Variants in DLC1 observed in about 807,000 individuals in gnomAD.
DLC1 encodes DLC1 Rho GTPase activating protein, also known as rho GTPase-activating protein 7.
A neutral mutation model predicts 140.3 loss-of-function variants in DLC1; 54 were observed. The ratio of observed to expected loss-of-function variants is 0.38; its 90% CI spans 0.31 to 0.48. The LOEUF is 0.48. Among genes scored for constraint, DLC1 ranks in the 20% least tolerant of loss-of-function variants. DLC1 has a pLI of 0.96. For missense variants in DLC1, 2,536 were observed against 1,907.0 expected (o/e 1.33, Z -6.14); for synonymous variants, 986 against 728.1 (o/e 1.35, Z -5.70).
At chr8:13,299,717 A>G (rs749478174) in intron 5 of DLC1, among the ~76,000 whole-genome samples, 1 of 152,186 alleles carries the variant, frequency 6.6e-6, no homozygotes, top group Non-Finnish European at 1.5e-5. Context: ...AATGCACGTT[A>G]GGCACATTGA....
chr8:13,095,158 C>T lies in DLC1; in HGVS notation c.3255G>A (p.Gln1085=). ...TCTGAGGCAACGGTTGTCCTGTGCGCTGCACGTTGACCGTCAGTGGGACCC... is the reference window on the plus strand; with the variant it reads ...TCTGAGGCAACGGTTGTCCTGTGCGTTGCACGTTGACCGTCAGTGGGACCC... ...VFGVPLTVNV[Q]RTGQPLPQSI... is the part of the protein sequence containing the mutation. The change falls in exon 11 of 18, where the codon CAG becomes CAA. Residue 1085 remains glutamine (Q), a synonymous_variant. Transcript: ENST00000276297. The T allele has an allele frequency of 6.2e-7, 1 of 1,614,282 alleles. No individual in the cohort carries two copies. Among genetic ancestry groups the T allele is most frequent in the Non-Finnish European group, 8.5e-7 (1 of 1,180,052 alleles).
chr8:13,540,755 C>T (rs899547614), intron 1 of DLC1, among the ~76,000 whole-genome samples: 1 of 152,166 alleles, frequency 6.6e-6, no homozygotes, highest in Non-Finnish European at 1.5e-5. Flanking sequence ...CTGAAGCCTT[C>T]GACATGGCAA....
intron 8 of DLC1, 191 bp from the exon 9 acceptor site, chr8:13,100,961 C>T: frequency 1.7e-6 from 1 of 578,768 alleles, no homozygotes; most frequent in Non-Finnish European, 2.7e-6. Context: ...GGCTGTATTG[C>T]CCAGGCTGAT....
intron 1 of DLC1, chr8:13,567,423 C>T (rs1019146964): frequency 1.3e-6 from 2 of 1,551,722 alleles, no homozygotes; most frequent in African/African-American, 1.4e-5. Context: ...AGAAGACGAG[C>T]AGCAGACATA....
intron 7 of DLC1, among the ~76,000 whole-genome samples, chr8:13,109,539 A>C (rs1003262760): frequency 1.3e-5 from 2 of 151,936 alleles, no homozygotes; most frequent in Non-Finnish European, 2.9e-5. Context: ...CCTGAGCGAC[A>C]GAGTGAGACC....
intron 5 of DLC1, among the ~76,000 whole-genome samples, chr8:13,271,564 T>C (rs1179632253): frequency 6.6e-6 from 1 of 152,256 alleles, no homozygotes; most frequent in Admixed American, 6.5e-5. Context: ...TTAATGTAGT[T>C]ACTTGAAGAA....
At chr8:13,532,710 C>A (rs1585248184) in intron 1 of DLC1, among the ~76,000 whole-genome samples, 1 of 152,190 alleles carries the variant, frequency 6.6e-6, no homozygotes, top group East Asian at 1.9e-4. Context: ...CCACTTCGGC[C>A]TCCCATAGTG....
At chr8:13,216,733 G>C (rs564171356) in intron 5 of DLC1, among the ~76,000 whole-genome samples, 1 of 152,140 alleles carries the variant, frequency 6.6e-6, no homozygotes, top group African/African-American at 2.4e-5. Flanking sequence ...GTGGGGGTCT[G>C]TCCTGTGCAT....
Position 13,319,479 on chromosome 8 carries a change from G to GC in DLC1, c.1315-14178_1315-14177insG, listed in dbSNP as rs202141458. Among the ~76,000 whole-genome samples the GC allele has an allele frequency of 1.0e-3, 117 of 116,306 alleles. 2 individuals are homozygous for GC. The highest frequency in any genetic ancestry group is 8.7e-3 in the Admixed American group (88 of 10,080). 76.3% of individuals were successfully genotyped at this position (116,306 alleles called of 152,430 possible). A position where few individuals can be genotyped will look rare whatever the true frequency, so the allele number is the denominator to read the frequency against. ...GGAGGGGCCTGCTGGCGGGGCGGGGGGGGGGGGTGGATTTCCCCCTTGCTG... is the reference window on the plus strand; with the variant it reads ...GGAGGGGCCTGCTGGCGGGGCGGGGGCGGGGGGGTGGATTTCCCCCTTGCTG... On this transcript the variant is annotated intron_variant, in intron 4 of 17. Coordinates refer to ENST00000276297, the MANE Select transcript of DLC1 (RefSeq NM_182643.3).
intron 5 of DLC1, among the ~76,000 whole-genome samples, chr8:13,219,022 G>GAATATAATTATATACGAAT (rs1251796878): frequency 2.4e-5 from 2 of 82,116 alleles, no homozygotes; most frequent in Non-Finnish European, 4.4e-5. Flanking sequence ...AATTATATAC[G>GAATATAATTATATACGAAT]TATATAATTA....
rs1817557470 is a variant in DLC1, at chr8:13,086,357, T to C, written c.4399A>G (p.Arg1467Gly). Residue 1467 changes from arginine (R) to glycine (G), a missense_variant, in exon 17 of 18, where the codon AGG becomes GGG. Coordinates refer to ENST00000276297, the MANE Select transcript of DLC1 (RefSeq NM_182643.3). ...VGVRVNVLLSRYLIEPCGPGK... is the reference protein window; with the variant it reads ...VGVRVNVLLSGYLIEPCGPGK... ...GGCCCACAGGGTTCAATCAAATACC[T>C]GGACAAGAGCACATTAACCCTCACA... The C allele has an allele frequency of 6.2e-7, 1 of 1,614,078 alleles. No homozygotes were observed. The highest frequency in any genetic ancestry group is 8.5e-7 in the Non-Finnish European group (1 of 1,180,042).
intron 5 of DLC1, among the ~76,000 whole-genome samples, chr8:13,187,661 C>T (rs752132867): frequency 1.3e-5 from 2 of 152,142 alleles, no homozygotes; most frequent in Non-Finnish European, 2.9e-5. Context: ...ATGTGGGAAG[C>T]AATCTATGCT....
chr8:13,470,896 G>A (rs1162495494), intron 2 of DLC1, among the ~76,000 whole-genome samples: 1 of 152,070 alleles, frequency 6.6e-6, no homozygotes, highest in Non-Finnish European at 1.5e-5. Context: ...TGGACAAATG[G>A]ATAAAGATAA....
chr8:13,141,256 CAAAA>C (rs34321250), intron 5 of DLC1, among the ~76,000 whole-genome samples: 5 of 63,768 alleles, frequency 7.8e-5, no homozygotes, highest in East Asian at 4.1e-4. Context: ...GAGTCTGTCT[CAAAA>C]AAAAAAAAAA....
chr8:13,159,205 A>C (rs1824501044), intron 5 of DLC1, among the ~76,000 whole-genome samples: 1 of 152,156 alleles, frequency 6.6e-6, no homozygotes, highest in Non-Finnish European at 1.5e-5. Context: ...TAAGAGATTG[A>C]GGCCAGAAAA....
At chr8:13,386,572 G>A (rs985101938) in intron 4 of DLC1, among the ~76,000 whole-genome samples, 2 of 152,094 alleles carry the variant, frequency 1.3e-5, no homozygotes, top group Non-Finnish European at 2.9e-5. Context: ...ACAGACGTCA[G>A]TATCTGAAAA....
At chr8:13,402,465 T>C (rs1837340010) in intron 2 of DLC1, among the ~76,000 whole-genome samples, 1 of 152,152 alleles carries the variant, frequency 6.6e-6, no homozygotes, top group South Asian at 2.1e-4. Flanking sequence ...TAAAAAAAAA[T>C]ACTGTAGAAA....
chr8:13,095,596 G>T (rs1818441456), intron 10 of DLC1: 1 of 237,868 alleles, frequency 4.2e-6, no homozygotes, highest in Non-Finnish European at 8.4e-6. Flanking sequence ...TGAACCTGGA[G>T]AATTGGGGTC....
In DLC1 at chr8:13,325,697, C is replaced by T. The variant is rs4477023; in HGVS notation, c.1315-20395G>A. Among the ~76,000 whole-genome samples the T allele has an allele frequency of 9.5e-3, 1,442 of 152,148 alleles. 14 individuals carry two copies. The highest frequency in any genetic ancestry group is 0.015 in the Non-Finnish European group (1,032 of 68,014). On this transcript the variant is annotated intron_variant, in intron 4 of 17. Coordinates refer to ENST00000276297, the MANE Select transcript of DLC1 (RefSeq NM_182643.3). ...AGGAACTTACAGAATAAAGAACGTT[C>T]GGCATTATCACTGATTAAGTTCAGG...
Sources: gnomAD v4.1 joint callset for allele counts (sites outside exome capture counted in the v4.1 genomes callset) on GRCh38, gnomAD v4.1.1 for gene constraint, MANE v1.5 for transcripts, NCBI Gene and HGNC (gene_info 2026-07-23, HGNC 2026-07-21) for gene names.